ADAM10: variants seen among roughly 807,000 people sequenced by gnomAD.
The protein encoded by ADAM10 is ADAM metallopeptidase domain 10.
ADAM10 carries 17 observed loss-of-function variants against 90.1 expected under a neutral mutation model. The ratio of observed to expected loss-of-function variants is 0.19; its 90% confidence interval spans 0.13 to 0.28. ADAM10 has a LOEUF of 0.28. ADAM10 is among the 10% of genes least tolerant of loss of function. The pLI, the probability that ADAM10 is intolerant of heterozygous loss-of-function variation, is 1.00. For synonymous variants in ADAM10, 310 were observed against 298.6 expected, an observed-to-expected ratio of 1.04 and a Z score of -0.40; for missense variants, 610 against 914.3, an observed-to-expected ratio of 0.67 and a Z score of 4.29.
chr15:58,659,481 C>T (rs979456386), intron 5 of ADAM10, among the ~76,000 whole-genome samples: 2 of 152,032 alleles, frequency 1.3e-5, no homozygotes, highest in Non-Finnish European at 2.9e-5. Flanking sequence ...AGAGGGGTTT[C>T]ATCCTTTATT....
chr15:58,736,740 A>G (rs925105542), intron 1 of ADAM10, among the ~76,000 whole-genome samples: 1 of 152,156 alleles, frequency 6.6e-6, no homozygotes, highest in Non-Finnish European at 1.5e-5. Context: ...TTCAAGAATT[A>G]AAAAAAGAAA....
At chr15:58,648,980 C>CA (rs1896621464) in intron 5 of ADAM10, among the ~76,000 whole-genome samples, 1 of 151,948 alleles carries the variant, frequency 6.6e-6, no homozygotes, top group South Asian at 2.1e-4. Context: ...TTTTGTAAAA[C>CA]AGTTTGTGGG....
At chr15:58,610,138 A>T (rs1215693578) in intron 14 of ADAM10, 159 bp downstream of exon 14, 1 of 718,900 alleles carries the variant, frequency 1.4e-6, no homozygotes, top group Non-Finnish European at 2.4e-6. Context: ...CTTCAGAAGG[A>T]AATAATAACC....
At chr15:58,679,584 CT>C in intron 3 of ADAM10, among the ~76,000 whole-genome samples, 1 of 152,116 alleles carries the variant, frequency 6.6e-6, no homozygotes, top group African/African-American at 2.4e-5. Context: ...AGCTGAGTGC[CT>C]AGCATGTATG....
At chr15:58,747,835 C>T (rs1006012084) in intron 1 of ADAM10, 1 of 152,158 alleles carries the variant, frequency 6.6e-6, no homozygotes, top group African/African-American at 2.4e-5. Context: ...CAGTTTCTTA[C>T]TGTTTTCATT....
chr15:58,617,851 T>A (rs1895661977), intron 11 of ADAM10, among the ~76,000 whole-genome samples: 3 of 151,042 alleles, frequency 2.0e-5, no homozygotes, highest in Admixed American at 2.0e-4. Context: ...TTATTAAATT[T>A]CTAGAAGGAA....
At position 58,596,416 on chromosome 15, in the gene ADAM10, T is replaced by G. The variant is rs1173226302; in HGVS notation, c.*1131A>C. 2 of 152,638 alleles carry G rather than the reference T, an allele frequency of 1.3e-5. No individual in the cohort carries two copies. The highest frequency in any genetic ancestry group is 4.8e-5 in the African/African-American group (2 of 41,462). 9.5% of individuals were successfully genotyped at this position (152,638 alleles called of 1,614,324 possible). A position where few individuals can be genotyped will look rare whatever the true frequency, so the allele number is the denominator to read the frequency against. ...GTTAAAAATTTTAGGAAAAAAAATG[T>G]CAGAAGGCCTATCTACAATTTTAAC... On this transcript the variant is annotated 3_prime_UTR_variant, in exon 16 of 16. Coordinates refer to ENST00000260408, the MANE Select transcript of ADAM10 (RefSeq NM_001110.4).
chr15:58,737,781 A>C (rs1272641798), intron 1 of ADAM10, among the ~76,000 whole-genome samples: 1 of 152,162 alleles, frequency 6.6e-6, no homozygotes, highest in Non-Finnish European at 1.5e-5. Context: ...AAAACTTACA[A>C]TCTTCTGTTC....
chr15:58,716,947 G>A (rs1284924536), intron 2 of ADAM10, among the ~76,000 whole-genome samples: 3 of 152,098 alleles, frequency 2.0e-5, no homozygotes, highest in African/African-American at 7.2e-5. Flanking sequence ...TCAGTGCTGT[G>A]TAAGTTATTT....
Position 58,640,866 on chromosome 15 carries a change from T to A in ADAM10, c.923A>T (p.Asn308Ile), listed in dbSNP as rs1328989603. 6.2e-7 allele frequency: 1 copy of A among 1,614,066 alleles called. No individual in the cohort carries two copies. Among genetic ancestry groups the A allele is most frequent in the Non-Finnish European group, 8.5e-7 (1 of 1,180,024 alleles). The change falls in exon 8 of 16, where the codon AAT becomes ATT. Residue 308 changes from asparagine to isoleucine, a missense_variant. Around this residue, in one of 4 missense-constraint regions of ADAM10, gnomAD observed 97 missense variants for 221.4 expected, o/e 0.44. Coordinates refer to ENST00000260408, the MANE Select transcript of ADAM10 (RefSeq NM_001110.4). ...EKFLELNSEQ[N>I]HDDYCLAYVF... ...ATAGGCCAAACAGTAGTCATCATGA[T>A]TCTGCTCAGAATTCAATTCCAGAAA...
At chr15:58,653,268 T>A (rs1896732587) in intron 5 of ADAM10, among the ~76,000 whole-genome samples, 2 of 152,234 alleles carry the variant, frequency 1.3e-5, no homozygotes, top group South Asian at 4.1e-4. Flanking sequence ...GTAACAGTGC[T>A]GAAAGAAGGC....
chr15:58,717,232 C>T (rs1427774237), intron 2 of ADAM10, among the ~76,000 whole-genome samples: 1 of 152,084 alleles, frequency 6.6e-6, no homozygotes, highest in African/African-American at 2.4e-5. Context: ...TAAGTAGTTA[C>T]CTTCACTGCT....
chr15:58,714,257 C>T (rs528765567), intron 2 of ADAM10, among the ~76,000 whole-genome samples: 4 of 149,160 alleles, frequency 2.7e-5, no homozygotes, highest in African/African-American at 9.9e-5. Context: ...GACATAAAAA[C>T]CACAAAAAAT....
chr15:58,698,617 C>T (rs970327691), intron 2 of ADAM10, among the ~76,000 whole-genome samples: 4 of 146,982 alleles, frequency 2.7e-5, no homozygotes, highest in African/African-American at 7.5e-5. Context: ...TAAAAAAGAA[C>T]GAAATGCAAC....
In ADAM10 at chr15:58,682,240, A is replaced by G. The variant is rs2140755117; in HGVS notation, c.281T>C (p.Val94Ala). The change falls in exon 3 of 16, where the codon GTA becomes GCA. Residue 94 changes from valine (V) to alanine (A), a missense_variant. Val to Ala is a moderately conservative substitution (Grantham distance 64). This residue lies in a region of ADAM10 where 310 missense variants were observed against 362.4 expected (regional missense o/e 0.86). Coordinates refer to ENST00000260408, the MANE Select transcript of ADAM10 (RefSeq NM_001110.4). ...AATATGAGAGGTATCATAATCAAGT[A>G]CTTTATTTGATGTTTCTACTTTAAA... Reference protein sequence around the residue: ...DEFKVETSNKVLDYDTSHIYT... With the variant: ...DEFKVETSNKALDYDTSHIYT... The G allele has an allele frequency of 6.2e-7, 1 of 1,613,134 alleles. No individual in the cohort carries two copies. Among genetic ancestry groups the G allele is most frequent in the Non-Finnish European group, 8.5e-7 (1 of 1,179,544 alleles).
chr15:58,734,807 C>G (rs895821353), intron 1 of ADAM10, among the ~76,000 whole-genome samples: 3 of 151,324 alleles, frequency 2.0e-5, no homozygotes, highest in African/African-American at 7.3e-5. Flanking sequence ...ATGGGGAAAA[C>G]AAGCAATGCA....
chr15:58,625,939 T>C (rs80030892), intron 10 of ADAM10, among the ~76,000 whole-genome samples: 1,773 of 152,274 alleles, frequency 0.012, 16 homozygotes, highest in Non-Finnish European at 0.019. Flanking sequence ...TTTATATAAC[T>C]TTTTTAGAAG....
At chr15:58,614,275 G>A (rs1232286573) in intron 11 of ADAM10, among the ~76,000 whole-genome samples, 1 of 151,058 alleles carries the variant, frequency 6.6e-6, no homozygotes, top group Admixed American at 6.6e-5. Context: ...ATGAAGTTAA[G>A]ACTCTGTCTC....
chr15:58,598,758 G>T (rs1320948518), intron 15 of ADAM10, among the ~76,000 whole-genome samples: 1 of 152,168 alleles, frequency 6.6e-6, no homozygotes, highest in East Asian at 1.9e-4. Flanking sequence ...ACAATACGAA[G>T]GGTTTATTTC....
Sources: gnomAD v4.1 joint callset for allele counts (sites outside exome capture counted in the v4.1 genomes callset) on GRCh38, gnomAD v4.1.1 for gene constraint, gnomAD v4.1.1 regional missense constraint, MANE v1.5 for transcripts, NCBI Gene and HGNC (gene_info 2026-07-23, HGNC 2026-07-21) for gene names.